Variants in GCFC2 observed in about 807,000 individuals in gnomAD.
GCFC2 encodes the protein intron Large complex component GCFC2.
A neutral mutation model predicts 99.4 loss-of-function variants in GCFC2; 102 were observed. The observed-to-expected ratio is 1.03, with a 90% CI of 0.87 to 1.21. The LOEUF is 1.21. Ranked by LOEUF, GCFC2 falls within the 50% of genes most tolerant of loss-of-function variation. GCFC2 has a pLI of 0.00. For synonymous variants in GCFC2, 338 were observed against 316.8 expected, an observed-to-expected ratio of 1.07 and a Z score of -0.71; for missense variants, 973 against 920.9, an observed-to-expected ratio of 1.06 and a Z score of -0.73.
chr2:75,710,411 G>C (rs1573103660), intron 1 of GCFC2, 180 bp downstream of exon 1: 1 of 1,348,220 alleles, frequency 7.4e-7, no homozygotes, highest in Non-Finnish European at 9.5e-7. Flanking sequence ...GCAGATAGCG[G>C]GCAAGTGCTC....
chr2:75,704,425 A>G (rs1680743054), intron 2 of GCFC2, among the ~76,000 whole-genome samples: 1 of 152,220 alleles, frequency 6.6e-6, no homozygotes, highest in African/African-American at 2.4e-5. Context: ...TGTTCCTCAC[A>G]GGACAAGTTT....
intron 2 of GCFC2, among the ~76,000 whole-genome samples, chr2:75,704,935 C>G (rs1403674939): frequency 6.6e-6 from 1 of 152,214 alleles, no homozygotes. Context: ...CTCGGCCTCC[C>G]AAACTGCAGA....
chr2:75,711,101 G>A, upstream of GCFC2: 1 of 1,285,950 alleles, frequency 7.8e-7, no homozygotes, highest in Non-Finnish European at 9.8e-7. Flanking sequence ...AGGTTGCGTG[G>A]ACTGACACCT....
At chr2:75,695,647 C>T (rs1680279313) in intron 5 of GCFC2, among the ~76,000 whole-genome samples, 2 of 152,156 alleles carry the variant, frequency 1.3e-5, no homozygotes, top group Admixed American at 6.5e-5. Flanking sequence ...TTTCCCTATA[C>T]ATAGGTAACT....
chr2:75,710,733 C>G lies in GCFC2; in HGVS notation c.123G>C (p.Ala41=). ...APRELPVPGS[A]EEEPPSGGGR... is the part of the protein sequence containing the mutation. ...CTCCTCCAGAGGGCGGCTCTTCCTC[C>G]GCAGAACCCGGGACCGGAAGTTCCC... is the stretch of plus-strand genomic sequence containing the variant. The change falls in exon 1 of 17, where the codon GCG becomes GCC. Residue 41 remains alanine, a synonymous_variant. Transcript: ENST00000321027. The G allele has an allele frequency of 1.3e-6, 2 of 1,558,656 alleles. No individual in the cohort carries two copies. The highest frequency in any genetic ancestry group is 2.4e-5 in the East Asian group (1 of 41,014).
At chr2:75,690,585 G>A in intron 8 of GCFC2, 53 bp downstream of exon 8, 2 of 821,890 alleles carry the variant, frequency 2.4e-6, no homozygotes, top group South Asian at 2.9e-5. Flanking sequence ...TTTCAGTAGT[G>A]AAAAGTACTT....
intron 14 of GCFC2, 44 bp from the exon 15 acceptor site, chr2:75,670,328 G>GA (rs771846934): frequency 3.7e-5 from 50 of 1,354,780 alleles, no homozygotes; most frequent in Non-Finnish European, 5.2e-5. Flanking sequence ...TCTCCAAAGA[G>GA]AAACTGTAAT....
chr2:75,696,221 ATAATTTC>A lies in GCFC2; in HGVS notation c.805_811del (p.Glu269Ter), dbSNP rs1457421107. On this transcript the variant is annotated frameshift_variant, in exon 5 of 17. Transcript: ENST00000321027. LOFTEE classifies it high-confidence loss of function. ...TCACCTAGTATTTAATTGCTTCTTT[ATAATTTC>A]TAAATTTACTGGCGGAAATGAAATG... 2.2e-6 allele frequency: 3 copies of A among 1,359,988 alleles called. No individual in the cohort carries two copies. The highest frequency in any genetic ancestry group is 3.2e-6 in the Non-Finnish European group (3 of 951,332). 84.2% of individuals were successfully genotyped at this position (1,359,988 alleles called of 1,614,324 possible). A position where few individuals can be genotyped will look rare whatever the true frequency, so the allele number is the denominator to read the frequency against.
rs760110851 is a variant in GCFC2, at chr2:75,690,642, G to A, written c.1222C>T (p.Arg408Ter). ...TQWILEEIES[R>*]RTKRRQARVL... The stretch of plus-strand genomic sequence containing the variant: ...ATCTTCACTTTATATAGGTACCTTC[G>A]AGATTCAATCTCTTCTAAAATCCAC... Residue 408 changes from arginine to a stop codon, truncating the protein, a stop_gained, in exon 8 of 17, where the codon CGA becomes TGA. Coordinates refer to ENST00000321027, the MANE Select transcript of GCFC2 (RefSeq NM_003203.5). LOFTEE classifies it high-confidence loss of function. The A allele has an allele frequency of 1.1e-5, 16 of 1,432,224 alleles. No homozygotes were observed. The highest frequency in any genetic ancestry group is 1.1e-4 in the South Asian group (9 of 84,268). 88.7% of individuals were successfully genotyped at this position (1,432,224 alleles called of 1,614,324 possible).
In GCFC2 at chr2:75,689,677, C is replaced by T. The variant is rs1368144924; in HGVS notation, c.1339+292G>A. ...TTCAAATGTTTTAAGTTAAAAATGA[C>T]AATATAGAAAGTATGTGTGGTAAAG... On this transcript the variant is annotated intron_variant, in intron 9 of 16. Coordinates refer to ENST00000321027, the MANE Select transcript of GCFC2 (RefSeq NM_003203.5). Among the ~76,000 whole-genome samples, 4 of 152,016 alleles carry T rather than the reference C, an allele frequency of 2.6e-5. No individual in the cohort carries two copies. The East Asian group carries it at 5.8e-4, about 22-fold the overall frequency.
intron 11 of GCFC2, among the ~76,000 whole-genome samples, chr2:75,682,281 C>T (rs34139182): frequency 0.033 from 5,033 of 151,886 alleles, 393 homozygotes; most frequent in African/African-American, 0.11. Flanking sequence ...CTGCAGCCTC[C>T]GCTGGTGATA....
intron 15 of GCFC2, among the ~76,000 whole-genome samples, chr2:75,669,466 T>C (rs1678989465): frequency 6.6e-6 from 1 of 152,232 alleles, no homozygotes; most frequent in African/African-American, 2.4e-5. Flanking sequence ...CCTTTAAGTT[T>C]AGAAGGAACT....
At chr2:75,681,499 G>T (rs968804575) in intron 11 of GCFC2, among the ~76,000 whole-genome samples, 1 of 151,882 alleles carries the variant, frequency 6.6e-6, no homozygotes, top group African/African-American at 2.4e-5. Context: ...ACAAAACTGG[G>T]TGGCTGTTTG....
At chr2:75,690,558 T>C in intron 8 of GCFC2, 80 bp downstream of exon 8, 1 of 768,002 alleles carries the variant, frequency 1.3e-6, no homozygotes, top group South Asian at 1.5e-5. Context: ...GTTAATGACA[T>C]CATGTGGTTA....
At chr2:75,701,082 C>A in intron 4 of GCFC2, 108 bp downstream of exon 4, 1 of 665,484 alleles carries the variant, frequency 1.5e-6, no homozygotes, top group Admixed American at 2.7e-5. Flanking sequence ...AGATTTTGGC[C>A]TCCACGCTGT....
chr2:75,696,264 AT>A lies in GCFC2; in HGVS notation c.768del (p.Lys256AsnfsTer11), dbSNP rs1278734188. The A allele has an allele frequency of 3.9e-6, 6 of 1,522,962 alleles. No individual in the cohort carries two copies. The African/African-American group carries it at 8.3e-5, about 21-fold the overall frequency. The allele number at this position is 1,522,962 out of a possible 1,614,324, so 94.3% of individuals were successfully genotyped here. A position where few individuals can be genotyped will look rare whatever the true frequency, so the allele number is the denominator to read the frequency against. On this transcript the variant is annotated frameshift_variant, in exon 5 of 17. Coordinates refer to ENST00000321027, the MANE Select transcript of GCFC2 (RefSeq NM_003203.5). LOFTEE classifies it high-confidence loss of function. ...GGCGGAAATGAAATGGAAGTATCAA[AT>A]TTCTTCACTTTTGAAGATCCATTGC... ...SCGNGSSKVK[K>X]FDTSISFPPV... is the part of the protein sequence containing the mutation.
intron 10 of GCFC2, 70 bp downstream of exon 10, chr2:75,688,956 A>C: frequency 1.2e-6 from 1 of 855,538 alleles, no homozygotes; most frequent in South Asian, 1.5e-5. Flanking sequence ...TTTAATGCCT[A>C]ACACAATAGT....
At chr2:75,689,817 AAG>A in intron 9 of GCFC2, 150 bp downstream of exon 9, 2 of 553,354 alleles carry the variant, frequency 3.6e-6, no homozygotes, top group East Asian at 3.3e-5. Flanking sequence ...TTTCAGAGAA[AAG>A]AGTCTTACAG....
In GCFC2 at chr2:75,687,871, A is replaced by G. The variant is rs1261804896; in HGVS notation, c.1646T>C (p.Val549Ala). The G allele has an allele frequency of 1.9e-6, 3 of 1,607,794 alleles. No homozygotes were observed. Among genetic ancestry groups the G allele is most frequent in the South Asian group, 1.1e-5 (1 of 90,018 alleles). The change falls in exon 11 of 17, where the codon GTC (valine) becomes GCC (alanine). Residue 549 changes from valine (V) to alanine (A), a missense_variant. By Grantham distance (64) the Val-to-Ala change is moderately conservative (BLOSUM62 0). Transcript: ENST00000321027. ...SKKESSSDKK[V>A]LSAIINKTII... is the part of the protein sequence containing the mutation. ...TGTTTTGTTGATGATTGCAGACAAG[A>G]CTTTTTTATCTGAACTACTTTCCTT...
Sources: gnomAD v4.1 joint callset for allele counts (sites outside exome capture counted in the v4.1 genomes callset) on GRCh38, gnomAD v4.1.1 for gene constraint, MANE v1.5 for transcripts, NCBI Gene and HGNC (gene_info 2026-07-23, HGNC 2026-07-21) for gene names.